The following TBC1D17 variants were observed in gnomAD, a reference collection of about 807,000 sequenced individuals.
TBC1D17 encodes the protein TBC1 domain family member 17, also known as TBC1 domain family, member 17.
In TBC1D17, 69 loss-of-function variants were observed where a neutral mutation model predicts 78.8. That is an observed-to-expected ratio of 0.88 (90% CI 0.72 to 1.07). The LOEUF is 1.07. Ranked by LOEUF, TBC1D17 falls within the 50% of genes least tolerant of loss-of-function variation. The pLI, the probability that TBC1D17 is intolerant of heterozygous loss-of-function variation, is 0.00. For synonymous variants in TBC1D17, 456 were observed against 358.3 expected (o/e 1.27, Z -3.08); for missense variants, 957 against 861.0 (o/e 1.11, Z -1.39).
chr19:49,886,738 C>G (rs1192959175), intron 13 of TBC1D17: 1 of 152,426 alleles, frequency 6.6e-6, no homozygotes, highest in Admixed American at 6.5e-5. Flanking sequence ...TTAGAATGCT[C>G]AGACTCTCAC....
intron 4 of TBC1D17, among the ~76,000 whole-genome samples, chr19:49,881,035 T>TA (rs1485983435): frequency 1.3e-5 from 2 of 151,910 alleles, no homozygotes; most frequent in South Asian, 2.1e-4. Flanking sequence ...ATAGGGCCCT[T>TA]ACCCTGCAGG....
chr19:49,882,442 C>CTCCCTGGGCGCATGATTTCATT, intron 7 of TBC1D17, 42 bp downstream of exon 7: 1 of 1,574,048 alleles, frequency 6.4e-7, no homozygotes, highest in Non-Finnish European at 8.6e-7. Flanking sequence ...CTGGCCGTGT[C>CTCCCTGGGCGCATGATTTCATT]TCCCTGGGCG....
Position 49,888,228 on chromosome 19 carries a change from C to G in TBC1D17, c.1660-3C>G, listed in dbSNP as rs2075080268. 3.8e-6 allele frequency: 6 copies of G among 1,579,258 alleles called. No homozygotes were observed. Among genetic ancestry groups the G allele is most frequent in the Non-Finnish European group, 5.2e-6 (6 of 1,163,280 alleles). ...CTGGCGCCTGACCCACCCCCTCCCG[C>G]AGCACATCAACGAGCTGACTATGAA... On this transcript the variant is annotated splice_region_variant and splice_polypyrimidine_tract_variant and intron_variant, in intron 15 of 16. Transcript: ENST00000221543.
intron 3 of TBC1D17, chr19:49,879,308 A>G (rs1202867176): frequency 6.6e-6 from 1 of 152,278 alleles, no homozygotes; most frequent in East Asian, 1.9e-4. Flanking sequence ...ATTGGAGCTG[A>G]TGAGTTCCAC....
chr19:49,882,865 T>C lies in TBC1D17; in HGVS notation c.900T>C (p.Pro300=), dbSNP rs769711992. The change falls in exon 8 of 17, where the codon CCT becomes CCC. Residue 300 remains proline, a synonymous_variant. Coordinates refer to ENST00000221543, the MANE Select transcript of TBC1D17 (RefSeq NM_024682.3). ...VGPEGRLQQV[P]ELKNRIFSGG... ...CTGAAGGTCGCCTGCAGCAGGTCCCTGAGCTGAAGAACCGGATCTTCTCGG... is the reference window on the plus strand; with the variant it reads ...CTGAAGGTCGCCTGCAGCAGGTCCCCGAGCTGAAGAACCGGATCTTCTCGG... The C allele has an allele frequency of 1.6e-5, 25 of 1,609,756 alleles. No individual in the cohort carries two copies. Among genetic ancestry groups the C allele is most frequent in the Non-Finnish European group, 8.5e-7 (1 of 1,178,650 alleles).
chr19:49,880,420 C>A lies in TBC1D17; in HGVS notation c.319+18C>A. Reference sequence around the variant, plus strand: ...CACGAGAGGTAGGCTGAGGTGGCGGCCCTTGAGAAGCACGTGTGGGCCAGG... The same window carrying A: ...CACGAGAGGTAGGCTGAGGTGGCGGACCTTGAGAAGCACGTGTGGGCCAGG... On this transcript the variant is annotated intron_variant, in intron 4 of 16. Transcript: ENST00000221543. 1 of 1,611,816 alleles carries A rather than the reference C, an allele frequency of 6.2e-7. No individual in the cohort carries two copies. The highest frequency in any genetic ancestry group is 1.3e-5 in the African/African-American group (1 of 75,002).
rs761782308 is a variant in TBC1D17, at chr19:49,882,799, C to T, written c.834C>T (p.Gly278=). 2 of 1,604,136 alleles carry T rather than the reference C, an allele frequency of 1.2e-6. No homozygotes were observed. Among genetic ancestry groups the T allele is most frequent in the Non-Finnish European group, 1.7e-6 (2 of 1,175,162 alleles). ...GGCCTCGGCCAACCGTGGAGCGGGGCCCTCCAGTTACAGAGGAGGAGTGGG... is the reference window on the plus strand; with the variant it reads ...GGCCTCGGCCAACCGTGGAGCGGGGTCCTCCAGTTACAGAGGAGGAGTGGG... ...ELGPRPTVER[G]PPVTEEEWAR... Residue 278 remains glycine (G), a synonymous_variant, in exon 8 of 17, where the codon GGC becomes GGT. Coordinates refer to ENST00000221543, the MANE Select transcript of TBC1D17 (RefSeq NM_024682.3).
Position 49,884,493 on chromosome 19 carries a change from G to C in TBC1D17, c.1278G>C (p.Pro426=), listed in dbSNP as rs2305915. The C allele has an allele frequency of 0.013, 20,505 of 1,614,064 alleles. 1,131 individuals carry two copies. In the Admixed American group the frequency reaches 0.14, roughly 11 times the overall value. The change falls in exon 12 of 17, where the codon CCG becomes CCC. Residue 426 remains proline, a synonymous_variant. Coordinates refer to ENST00000221543, the MANE Select transcript of TBC1D17 (RefSeq NM_024682.3). The part of the protein sequence containing the change: ...YVQGMSDLLS[P]ILYVIQNEVD... ...AGGGCATGAGTGATCTTCTCTCCCC[G>C]ATCCTCTACGTCATTCAGAACGAGG...
intron 3 of TBC1D17, chr19:49,879,489 C>T (rs1464135645): frequency 2.0e-5 from 3 of 152,268 alleles, no homozygotes; most frequent in Admixed American, 2.0e-4. Context: ...TGCGTTACAT[C>T]ACTTCCGCTT....
Position 49,882,235 on chromosome 19 carries a change from T to G in TBC1D17, c.640-7T>G. 6.2e-7 allele frequency: 1 copy of G among 1,612,226 alleles called. No homozygotes were observed. The highest frequency in any genetic ancestry group is 8.5e-7 in the Non-Finnish European group (1 of 1,179,926). On this transcript the variant is annotated splice_region_variant and splice_polypyrimidine_tract_variant and intron_variant, in intron 6 of 16. Coordinates refer to ENST00000221543, the MANE Select transcript of TBC1D17 (RefSeq NM_024682.3). The stretch of plus-strand genomic sequence containing the variant: ...GGGCCGTGACCTCCCTTTGGCCTCG[T>G]CCCCAGCGCTTCCTCCAGGATCCCT...
chr19:49,887,602 T>C, intron 14 of TBC1D17, 29 bp downstream of exon 14: 2 of 1,612,794 alleles, frequency 1.2e-6, no homozygotes, highest in South Asian at 2.2e-5. Context: ...GCGAGAGGCC[T>C]GAAGGGGTGG....
At position 49,883,898 on chromosome 19, in the gene TBC1D17, A is replaced by C. The variant is rs148280817; in HGVS notation, c.1126+153A>C. On this transcript the variant is annotated intron_variant, in intron 10 of 16. Coordinates refer to ENST00000221543, the MANE Select transcript of TBC1D17 (RefSeq NM_024682.3). ...GGGAAAGCTGCATGGGCTGTTGGGG[A>C]ATGGCCCTGGGGGAGCAAGGCCAGG... 4.1e-3 allele frequency among the ~76,000 whole-genome samples: 621 copies of C among 152,216 alleles called. 2 individuals carry two copies. The highest frequency in any genetic ancestry group is 0.014 in the African/African-American group (597 of 41,532).
In TBC1D17 at chr19:49,882,801, C is replaced by T. The variant is rs770726296; in HGVS notation, c.836C>T (p.Pro279Leu). The T allele has an allele frequency of 3.1e-6, 5 of 1,605,048 alleles. No homozygotes were observed. Among genetic ancestry groups the T allele is most frequent in the East Asian group, 4.5e-5 (2 of 44,720 alleles). Residue 279 changes from proline (P) to leucine (L), a missense_variant, in exon 8 of 17, where the codon CCT (proline) becomes CTT (leucine). Transcript: ENST00000221543. ...LGPRPTVERG[P>L]PVTEEEWARH... ...CCTCGGCCAACCGTGGAGCGGGGCC[C>T]TCCAGTTACAGAGGAGGAGTGGGCA... is the stretch of plus-strand genomic sequence containing the variant.
At chr19:49,883,145 G>A (rs1411374608) in intron 9 of TBC1D17, 69 bp downstream of exon 9, 12 of 1,419,524 alleles carry the variant, frequency 8.5e-6, no homozygotes, top group Non-Finnish European at 8.7e-6. Context: ...CAATGGGCAA[G>A]TTCTGTGGAC....
chr19:49,882,182 G>C (rs1283601947), intron 6 of TBC1D17, 30 bp downstream of exon 6: 4 of 1,613,786 alleles, frequency 2.5e-6, no homozygotes, highest in Non-Finnish European at 2.5e-6. Flanking sequence ...GGCCTGGCGG[G>C]TGTGGGCAGG....
At chr19:49,887,422 A>G (rs1343584913) in intron 13 of TBC1D17, 54 bp from the exon 14 acceptor site, 2 of 1,563,868 alleles carry the variant, frequency 1.3e-6, no homozygotes, top group African/African-American at 2.7e-5. Flanking sequence ...TGACTTCTCA[A>G]ACTCTCAGTC....
At chr19:49,882,660 G>T (rs1459025298) in intron 7 of TBC1D17, 104 bp from the exon 8 acceptor site, 2 of 1,432,308 alleles carry the variant, frequency 1.4e-6, no homozygotes, top group African/African-American at 2.9e-5. Flanking sequence ...CTGAATGTTA[G>T]TCATCCGTCA....
chr19:49,888,614 C>G lies in TBC1D17; in HGVS notation c.1937C>G (p.Ala646Gly). 6.5e-7 allele frequency: 1 copy of G among 1,535,066 alleles called. No individual in the cohort carries two copies. Among genetic ancestry groups the G allele is most frequent in the Non-Finnish European group, 8.7e-7 (1 of 1,145,426 alleles). ...CTGCCCGAGGAGGAGGACGAGGGCG[C>G]CGACTCCTAACCCCGCCAGGCAGCC... ...EILPEEEDEGADS is the reference protein window; with the variant it reads ...EILPEEEDEGGDS The change falls in exon 17 of 17, where the codon GCC (alanine) becomes GGC (glycine). Residue 646 changes from alanine (A) to glycine (G), a missense_variant. Ala to Gly is a moderately conservative substitution (Grantham distance 60, BLOSUM62 0). Transcript: ENST00000221543.
Position 49,878,053 on chromosome 19 carries a change from G to A in TBC1D17, c.22-90G>A, listed in dbSNP as rs575095266. On this transcript the variant is annotated intron_variant, in intron 1 of 16. Transcript: ENST00000221543. ...TGGCCCTCCCGGCCCCGCCCCCTGA[G>A]GGTGGCTCCTCCCTGGGCCCGTCCC... 2.6e-4 allele frequency: 288 copies of A among 1,091,050 alleles called. No individual in the cohort carries two copies. In the African/African-American group the frequency reaches 3.2e-3, roughly 12 times the overall value. 67.6% of individuals were successfully genotyped at this position (1,091,050 alleles called of 1,614,324 possible). A position where few individuals can be genotyped will look rare whatever the true frequency, so the allele number is the denominator to read the frequency against.
Sources: gnomAD v4.1 joint callset for allele counts (sites outside exome capture counted in the v4.1 genomes callset) on GRCh38, gnomAD v4.1.1 for gene constraint, MANE v1.5 for transcripts, NCBI Gene and HGNC (gene_info 2026-07-23, HGNC 2026-07-21) for gene names.